Variants in PDE3B observed in about 807,000 individuals in gnomAD.
PDE3B encodes the protein cGMP-inhibited 3',5'-cyclic phosphodiesterase 3B.
PDE3B carries 66 observed loss-of-function variants against 116.8 expected under a neutral mutation model. The observed-to-expected ratio is 0.56, with a 90% CI of 0.46 to 0.69. The LOEUF is 0.69. PDE3B is among the 30% of genes least tolerant of loss of function. The pLI is 0.00. For missense variants in PDE3B, 1,384 were observed against 1,368.1 expected (o/e 1.01, Z -0.18); for synonymous variants, 595 against 533.6 (o/e 1.12, Z -1.59).
intron 1 of PDE3B, among the ~76,000 whole-genome samples, chr11:14,711,790 A>G (rs984363194): frequency 7.2e-5 from 11 of 152,306 alleles, no homozygotes; most frequent in African/African-American, 2.6e-4. Context: ...GTCAGCATTC[A>G]CTGCTGGTAA....
intron 1 of PDE3B, among the ~76,000 whole-genome samples, chr11:14,684,619 C>G (rs889460034): frequency 6.6e-6 from 1 of 152,134 alleles, no homozygotes; most frequent in Non-Finnish European, 1.5e-5. Context: ...TTTCCCCACC[C>G]TAGTAAGCCT....
In PDE3B at chr11:14,861,306, A is replaced by C. The variant is rs370089444; in HGVS notation, c.2826A>C (p.Ala942=). 6.2e-6 allele frequency: 10 copies of C among 1,613,884 alleles called. No homozygotes were observed. Among genetic ancestry groups the C allele is most frequent in the African/African-American group, 1.3e-5 (1 of 74,928 alleles). ...CIKLADINGP[A]KVRDLHLKWT... ...AACTGGCAGATATAAATGGCCCAGCAAAAGTTCGAGACTTGCATTTGAAAT... is the reference window on the plus strand; with the variant it reads ...AACTGGCAGATATAAATGGCCCAGCCAAAGTTCGAGACTTGCATTTGAAAT... The change falls in exon 14 of 16, where the codon GCA becomes GCC. Residue 942 remains alanine (A), a synonymous_variant. Transcript: ENST00000282096.
At chr11:14,733,970 G>A (rs1219282068) in intron 1 of PDE3B, among the ~76,000 whole-genome samples, 1 of 152,240 alleles carries the variant, frequency 6.6e-6, no homozygotes, top group Admixed American at 6.5e-5. Context: ...CATTCAGTGT[G>A]AGGGTATGTC....
At chr11:14,680,329 C>G (rs186863813) in intron 1 of PDE3B, among the ~76,000 whole-genome samples, 27 of 152,254 alleles carry the variant, frequency 1.8e-4, no homozygotes, top group Admixed American at 8.5e-4. Context: ...GGCTTTGATG[C>G]TGCTGTTCCA....
chr11:14,853,010 TC>T (rs1707688977), intron 12 of PDE3B, among the ~76,000 whole-genome samples: 2 of 143,116 alleles, frequency 1.4e-5, no homozygotes, highest in Non-Finnish European at 3.0e-5. Flanking sequence ...AGTCTCTCTC[TC>T]TTTTTTTTTT....
chr11:14,715,350 C>T (rs1325469944), intron 1 of PDE3B, among the ~76,000 whole-genome samples: 1 of 152,104 alleles, frequency 6.6e-6, no homozygotes, highest in African/African-American at 2.4e-5. Context: ...TTACCTTGGG[C>T]AGTATGGCCA....
At chr11:14,893,565 G>T in the PDE3B span, among the ~76,000 whole-genome samples, 1 of 152,204 alleles carries the variant, frequency 6.6e-6, no homozygotes, top group African/African-American at 2.4e-5. Flanking sequence ...CTGTAGGAGA[G>T]ATTCTATTTC....
At chr11:14,847,277 G>A (rs1445184363) in intron 12 of PDE3B, among the ~76,000 whole-genome samples, 1 of 151,368 alleles carries the variant, frequency 6.6e-6, no homozygotes, top group Non-Finnish European at 1.5e-5. Flanking sequence ...AAATAAAGAT[G>A]TTCTTTGAAA....
At chr11:14,735,253 A>G (rs1029314246) in intron 1 of PDE3B, among the ~76,000 whole-genome samples, 2 of 152,218 alleles carry the variant, frequency 1.3e-5, no homozygotes, top group African/African-American at 4.8e-5. Flanking sequence ...AGAGAAGTCC[A>G]GGAGGTACAA....
chr11:14,669,765 T>G (rs907004436), intron 1 of PDE3B, among the ~76,000 whole-genome samples: 1 of 152,100 alleles, frequency 6.6e-6, no homozygotes, highest in Non-Finnish European at 1.5e-5. Flanking sequence ...ACACAGTATC[T>G]GCAGTATCGG....
At chr11:14,788,624 G>C (rs1241076792) in intron 3 of PDE3B, among the ~76,000 whole-genome samples, 2 of 151,892 alleles carry the variant, frequency 1.3e-5, no homozygotes, top group Non-Finnish European at 2.9e-5. Context: ...AATGCTAAAG[G>C]TGTTCTGTAT....
intron 1 of PDE3B, among the ~76,000 whole-genome samples, chr11:14,752,483 T>C (rs1857080100): frequency 6.6e-6 from 1 of 152,200 alleles, no homozygotes; most frequent in Non-Finnish European, 1.5e-5. Flanking sequence ...ATAGGTAATT[T>C]TGAGGTTTGG....
the PDE3B span, among the ~76,000 whole-genome samples, chr11:14,892,450 C>G: frequency 6.6e-6 from 1 of 152,208 alleles, no homozygotes; most frequent in Non-Finnish European, 1.5e-5. Context: ...CTAGGCGGAG[C>G]AATGAGCCAG....
chr11:14,761,433 C>T (rs1857357019), intron 1 of PDE3B, among the ~76,000 whole-genome samples: 1 of 152,010 alleles, frequency 6.6e-6, no homozygotes, highest in Non-Finnish European at 1.5e-5. Context: ...TAGTAACAGT[C>T]AATTCAGTAT....
intron 4 of PDE3B, 34 bp from the exon 5 acceptor site, chr11:14,803,910 T>C: frequency 8.3e-7 from 1 of 1,205,218 alleles, no homozygotes; most frequent in Admixed American, 1.7e-5. Flanking sequence ...TTTCCTGTTT[T>C]TAAAAATTTT....
In PDE3B at chr11:14,786,548, C is replaced by T. The variant is rs774872958; in HGVS notation, c.1141C>T (p.Arg381Trp). 4.3e-6 allele frequency: 7 copies of T among 1,613,094 alleles called. No homozygotes were observed. Among genetic ancestry groups the T allele is most frequent in the South Asian group, 3.3e-5 (3 of 91,066 alleles). ...SLPPQVISSL[R>W]SISSLMGAFS... ...TCCACCACAAGTCATTTCCTCTCTA[C>T]GGAGTATTAGTAGCTTAATGGGTGC... is the stretch of plus-strand genomic sequence containing the variant. Residue 381 changes from arginine (R) to tryptophan (W), a missense_variant, in exon 3 of 16, where the codon CGG becomes TGG. Arg to Trp is a moderately radical substitution (Grantham distance 101). Transcript: ENST00000282096.
intron 12 of PDE3B, among the ~76,000 whole-genome samples, chr11:14,847,969 T>C (rs1364210271): frequency 3.9e-5 from 6 of 152,142 alleles, no homozygotes; most frequent in Non-Finnish European, 7.3e-5. Context: ...AAAGAGGGAT[T>C]CCTCCCCAAC....
chr11:14,822,695 C>CTA (rs986487488), intron 7 of PDE3B, among the ~76,000 whole-genome samples: 4 of 152,208 alleles, frequency 2.6e-5, no homozygotes, highest in East Asian at 1.9e-4. Context: ...GCCCCAGGAG[C>CTA]TATAGATACT....
At chr11:14,779,239 AC>A (rs1408809941) in intron 2 of PDE3B, among the ~76,000 whole-genome samples, 1 of 152,206 alleles carries the variant, frequency 6.6e-6, no homozygotes, top group Non-Finnish European at 1.5e-5. Flanking sequence ...GTTGGAAAAC[AC>A]TCTTCAGGAT....
Sources: allele counts gnomAD v4.1 joint callset (sites outside exome capture counted in the v4.1 genomes callset), GRCh38; gene constraint gnomAD v4.1.1; transcripts MANE v1.5; gene names NCBI Gene and HGNC (gene_info 2026-07-23, HGNC 2026-07-21).